MPDZ: variants seen among roughly 807,000 people sequenced by gnomAD.
MPDZ encodes the protein multiple PDZ domain crumbs cell polarity complex component.
Under a neutral mutation model 239.1 loss-of-function variants are expected in MPDZ, and 234 were observed. The observed-to-expected ratio is 0.98, with a 90% CI of 0.88 to 1.09. The LOEUF (loss-of-function observed/expected upper bound fraction) is 1.09. Ranked by LOEUF, MPDZ falls within the 50% of genes least tolerant of loss-of-function variation. MPDZ has a pLI of 0.00. For missense variants in MPDZ, 3,175 were observed against 2,510.0 expected (o/e 1.26, Z -5.66); for synonymous variants, 1,048 against 881.3 (o/e 1.19, Z -3.35).
At chr9:13,136,347 T>TTTTTTTTTTTTTTTTTTA (rs1458248652) in intron 30 of MPDZ, among the ~76,000 whole-genome samples, 165 bp from the exon 31 acceptor site, 1 of 142,916 alleles carries the variant, frequency 7.0e-6, no homozygotes. Flanking sequence ...TTTTTTTTTT[T>TTTTTTTTTTTTTTTTTTA]TTGAGACAGA....
At chr9:13,215,392 A>G (rs1291815963) in intron 10 of MPDZ, among the ~76,000 whole-genome samples, 1 of 151,194 alleles carries the variant, frequency 6.6e-6, no homozygotes, top group Non-Finnish European at 1.5e-5. Context: ...ATATGTGTCT[A>G]TATATCTATA....
intron 1 of MPDZ, among the ~76,000 whole-genome samples, chr9:13,252,568 CAAA>C (rs56937303): frequency 1.5e-5 from 2 of 129,722 alleles, no homozygotes; most frequent in Admixed American, 1.6e-4. Context: ...CTGTCCCCCG[CAAA>C]AAAAAAAAAA....
chr9:13,263,810 C>T (rs1279643145), intron 1 of MPDZ, among the ~76,000 whole-genome samples: 5 of 152,142 alleles, frequency 3.3e-5, no homozygotes, highest in African/African-American at 1.2e-4. Flanking sequence ...GATCCCAAGA[C>T]AGTATAAATA....
intron 1 of MPDZ, among the ~76,000 whole-genome samples, chr9:13,256,621 G>A (rs916112218): frequency 3.3e-5 from 5 of 152,194 alleles, no homozygotes; most frequent in East Asian, 1.9e-4. Context: ...CGAACGGCCC[G>A]TTGATGGAGC....
chr9:13,160,228 G>A (rs1370441890), intron 23 of MPDZ, among the ~76,000 whole-genome samples: 1 of 152,174 alleles, frequency 6.6e-6, no homozygotes, highest in East Asian at 1.9e-4. Flanking sequence ...CATGGAGTAT[G>A]CTTACATTCT....
chr9:13,153,913 G>A (rs10809912), intron 24 of MPDZ, among the ~76,000 whole-genome samples: 70,387 of 151,968 alleles, frequency 0.46, 19,316 homozygotes, highest in African/African-American at 0.77. Context: ...GAGTAATACA[G>A]AAAACATAAG....
intron 3 of MPDZ, among the ~76,000 whole-genome samples, chr9:13,239,165 C>T (rs1230643577): frequency 6.6e-6 from 1 of 152,136 alleles, no homozygotes; most frequent in African/African-American, 2.4e-5. Flanking sequence ...TCAGGTTTGT[C>T]TCCAACTACT....
intron 46 of MPDZ, among the ~76,000 whole-genome samples, chr9:13,107,836 A>G (rs1941740923): frequency 6.6e-6 from 1 of 152,160 alleles, no homozygotes; most frequent in Admixed American, 6.5e-5. Context: ...AAAATATGGA[A>G]AAGTTAATGA....
chr9:13,126,900 A>T, intron 32 of MPDZ, 128 bp from the exon 33 acceptor site: 1 of 686,740 alleles, frequency 1.5e-6, no homozygotes, highest in Middle Eastern at 2.5e-4. Flanking sequence ...TTAGACTTTA[A>T]ATCTAAGATC....
intron 10 of MPDZ, among the ~76,000 whole-genome samples, chr9:13,212,750 A>G (rs1957778641): frequency 6.8e-6 from 1 of 147,448 alleles, no homozygotes; most frequent in African/African-American, 2.5e-5. Flanking sequence ...AGGCGAGAGG[A>G]TCTGTCAAGC....
rs1361233662 is a variant in MPDZ at position 13,232,084 on chromosome 9, A to G, written c.184-7501T>C. On this transcript the variant is annotated intron_variant, in intron 3 of 46. Transcript: ENST00000319217. ...TAGACCCAAGGTTTTAGGTAATACA[A>G]TAAGGCAAGGAAAATAAATTAAAAG... Among the ~76,000 whole-genome samples the G allele has an allele frequency of 2.0e-5, 3 of 152,168 alleles. No homozygotes were observed. The East Asian group carries it at 5.8e-4, about 29-fold the overall frequency.
chr9:13,139,798 G>A, intron 28 of MPDZ, 189 bp downstream of exon 28: 2 of 666,818 alleles, frequency 3.0e-6, no homozygotes, highest in Non-Finnish European at 5.3e-6. Flanking sequence ...AGGAAAGGAA[G>A]AGCATGATTT....
chr9:13,209,190 A>G (rs943384624), intron 10 of MPDZ, among the ~76,000 whole-genome samples: 1 of 152,172 alleles, frequency 6.6e-6, no homozygotes, highest in Non-Finnish European at 1.5e-5. Context: ...TCCAAGAAAC[A>G]CACCAAGTAC....
intron 3 of MPDZ, among the ~76,000 whole-genome samples, chr9:13,226,074 T>C (rs1006200802): frequency 6.6e-6 from 1 of 152,048 alleles, no homozygotes; most frequent in African/African-American, 2.4e-5. Flanking sequence ...AGGGTGGTTT[T>C]GTGTATCCTT....
chr9:13,262,236 G>C (rs952999960), intron 1 of MPDZ, among the ~76,000 whole-genome samples: 12 of 152,054 alleles, frequency 7.9e-5, no homozygotes, highest in Admixed American at 7.2e-4. Context: ...GGCAAGACTG[G>C]TGGATCGCTT....
intron 19 of MPDZ, among the ~76,000 whole-genome samples, chr9:13,181,796 C>G (rs927823863): frequency 2.0e-5 from 3 of 152,254 alleles, no homozygotes; most frequent in Admixed American, 2.0e-4. Context: ...CTAAGTTAAA[C>G]AATGCAATCT....
intron 43 of MPDZ, among the ~76,000 whole-genome samples, chr9:13,111,573 T>C (rs1313026270): frequency 6.6e-6 from 1 of 152,212 alleles, no homozygotes; most frequent in Non-Finnish European, 1.5e-5. Context: ...TGAGGCAAGT[T>C]GCATATAGTT....
chr9:13,136,152 T>C lies in MPDZ; in HGVS notation c.4323A>G (p.Val1441=), dbSNP rs1192176314. ...RNKDAVNQMA[V]CPGNAVEPLP... ...AAGGTTCTACTGCATTTCCAGGACA[T>C]ACGGCCATCTGATTCACTGCATCTT... The change falls in exon 31 of 47, where the codon GTA becomes GTG. Residue 1441 remains valine, a synonymous_variant. Transcript: ENST00000319217. 2.5e-6 allele frequency: 4 copies of C among 1,612,850 alleles called. No individual in the cohort carries two copies. The South Asian group carries it at 3.3e-5, about 13-fold the overall frequency.
intron 21 of MPDZ, among the ~76,000 whole-genome samples, chr9:13,170,649 A>G (rs1404352933): frequency 6.6e-6 from 1 of 152,188 alleles, no homozygotes; most frequent in Non-Finnish European, 1.5e-5. Flanking sequence ...CTAACTTACC[A>G]TCTTGTTCTT....
Sources: gnomAD v4.1 joint callset for allele counts (sites outside exome capture counted in the v4.1 genomes callset) on GRCh38, gnomAD v4.1.1 for gene constraint, MANE v1.5 for transcripts, NCBI Gene and HGNC (gene_info 2026-07-23, HGNC 2026-07-21) for gene names.